Variants in MS4A13 observed in about 807,000 individuals in gnomAD.
MS4A13 encodes the protein membrane spanning 4-domains A13.
A neutral mutation model predicts 18.4 loss-of-function variants in MS4A13; 21 were observed. The observed-to-expected ratio is 1.14, with a 90% CI of 0.81 to 1.64. The LOEUF (loss-of-function observed/expected upper bound fraction) is 1.64. Ranked by LOEUF, MS4A13 falls within the 40% of genes most tolerant of loss-of-function variation. The pLI is 0.00. For synonymous variants in MS4A13, 62 were observed against 57.2 expected, an observed-to-expected ratio of 1.08 and a Z score of -0.38; for missense variants, 173 against 176.8, an observed-to-expected ratio of 0.98 and a Z score of 0.12.
chr11:60,529,292 G>C (rs1342792097), intron 5 of MS4A13, 73 bp from the exon 6 acceptor site: 14 of 308,714 alleles, frequency 4.5e-5, no homozygotes, highest in African/African-American at 1.1e-4. Flanking sequence ...CATACCAGTA[G>C]CTCCTTCCAT....
At chr11:60,538,287 G>C (rs867260191) in intron 6 of MS4A13, among the ~76,000 whole-genome samples, 1 of 151,812 alleles carries the variant, frequency 6.6e-6, no homozygotes, top group East Asian at 1.9e-4. Flanking sequence ...AGGCAAAAAG[G>C]TGTTGATCAA....
intron 6 of MS4A13, among the ~76,000 whole-genome samples, chr11:60,537,970 T>C (rs891843615): frequency 2.4e-5 from 3 of 122,960 alleles, no homozygotes; most frequent in African/African-American, 9.5e-5. Context: ...AGGTGGGAAT[T>C]GAACAATGAG....
chr11:60,529,100 T>C (rs2086741742), intron 5 of MS4A13, among the ~76,000 whole-genome samples: 1 of 152,030 alleles, frequency 6.6e-6, no homozygotes, highest in South Asian at 2.1e-4. Flanking sequence ...CTGTCAGAAG[T>C]GAGACAAGAA....
downstream of MS4A13, among the ~76,000 whole-genome samples, chr11:60,543,285 T>C (rs2086874919): frequency 6.6e-6 from 1 of 152,174 alleles, no homozygotes; most frequent in Admixed American, 6.5e-5. Context: ...CAGAAAGATG[T>C]TTCACTAATT....
chr11:60,542,450 A>T, intron 6 of MS4A13, 69 bp from the exon 7 acceptor site: 1 of 1,041,526 alleles, frequency 9.6e-7, no homozygotes, highest in Admixed American at 2.2e-5. Context: ...TTTAAGAAAA[A>T]GATCTATTTA....
chr11:60,521,292 A>G (rs1478019516), intron 3 of MS4A13, among the ~76,000 whole-genome samples: 1 of 152,162 alleles, frequency 6.6e-6, no homozygotes, highest in Non-Finnish European at 1.5e-5. Flanking sequence ...TCTTATGCAA[A>G]TTTCTGCAGC....
intron 6 of MS4A13, among the ~76,000 whole-genome samples, chr11:60,540,564 T>C (rs2086849046): frequency 6.6e-6 from 1 of 152,208 alleles, no homozygotes; most frequent in African/African-American, 2.4e-5. Context: ...AGGGTGCTTA[T>C]TTAGTGATTA....
rs1347399471 is a variant in MS4A13 at position 60,538,323 on chromosome 11, G to C, written c.403-4196G>C. On this transcript the variant is annotated intron_variant, in intron 6 of 6. Coordinates refer to ENST00000378186, the MANE Select transcript of MS4A13 (RefSeq NM_001012417.3). ...AGGCCATACAGTTTTCGTTAGACAG[G>C]AGGAGTAAGCTTTAGGGATCAATTA... Among the ~76,000 whole-genome samples, 7 of 151,902 alleles carry C rather than the reference G, an allele frequency of 4.6e-5. No homozygotes were observed. In the East Asian group the frequency reaches 1.4e-3, roughly 29 times the overall value.
intron 6 of MS4A13, among the ~76,000 whole-genome samples, chr11:60,531,361 G>C (rs896261700): frequency 2.0e-5 from 3 of 152,210 alleles, no homozygotes; most frequent in Non-Finnish European, 2.9e-5. Flanking sequence ...AGTGGACCTT[G>C]ATAACTTCCT....
chr11:60,527,721 A>T (rs2086729792), intron 5 of MS4A13, among the ~76,000 whole-genome samples: 1 of 152,034 alleles, frequency 6.6e-6, no homozygotes, highest in Non-Finnish European at 1.5e-5. Context: ...CTGTAATCCC[A>T]GCTACTCCGG....
chr11:60,539,486 C>G (rs1353945929), intron 6 of MS4A13, among the ~76,000 whole-genome samples: 2 of 151,910 alleles, frequency 1.3e-5, no homozygotes, highest in Non-Finnish European at 2.9e-5. Flanking sequence ...CCTCAAAATC[C>G]TTTGAGATAC....
chr11:60,523,032 C>CTA (rs1314941535), intron 3 of MS4A13, among the ~76,000 whole-genome samples: 1 of 152,202 alleles, frequency 6.6e-6, no homozygotes, highest in Non-Finnish European at 1.5e-5. Flanking sequence ...AGAGAGCACT[C>CTA]TAATTCAAAA....
intron 5 of MS4A13, among the ~76,000 whole-genome samples, chr11:60,528,279 A>G (rs2086735181): frequency 6.6e-6 from 1 of 152,238 alleles, no homozygotes; most frequent in African/African-American, 2.4e-5. Context: ...AAACAAGCAA[A>G]TAAAAATTTA....
intron 2 of MS4A13, 134 bp from the exon 3 acceptor site, chr11:60,517,938 A>T (rs1229049802): frequency 2.4e-5 from 15 of 625,360 alleles, no homozygotes; most frequent in Non-Finnish European, 3.5e-5. Flanking sequence ...CCAATCCAGG[A>T]AATACATCAT....
chr11:60,525,813 C>T (rs1258872092), intron 5 of MS4A13, among the ~76,000 whole-genome samples: 1 of 151,984 alleles, frequency 6.6e-6, no homozygotes, highest in African/African-American at 2.4e-5. Context: ...ATAAATAAAC[C>T]TAACTTGTTT....
At chr11:60,539,706 A>AAT (rs2135272706) in intron 6 of MS4A13, among the ~76,000 whole-genome samples, 1 of 152,178 alleles carries the variant, frequency 6.6e-6, no homozygotes, top group South Asian at 2.1e-4. Context: ...AGCAGCAAAA[A>AAT]AAAATAAAAA....
intron 5 of MS4A13, among the ~76,000 whole-genome samples, chr11:60,527,410 C>CTCTGTG (rs1555024373): frequency 1.7e-4 from 5 of 28,806 alleles, no homozygotes; most frequent in African/African-American, 8.1e-4. Context: ...CTCTCTCTCT[C>CTCTGTG]TGTGTGTGTG....
At chr11:60,532,411 G>C (rs534305483) in intron 6 of MS4A13, among the ~76,000 whole-genome samples, 1 of 152,160 alleles carries the variant, frequency 6.6e-6, no homozygotes, top group Admixed American at 6.5e-5. Flanking sequence ...AAGGGGTGAC[G>C]GACGCACCTG....
Position 60,542,522 on chromosome 11 carries a change from C to G in MS4A13, c.406C>G (p.Arg136Gly), listed in dbSNP as rs537359668. ...HSIYSCSNLF[R>G]RQNDLTSVTE... ...TAAGAGGTTACTTTTTTTCCAGTTT[C>G]GAAGACAAAATGATCTTACATCTGT... is the stretch of plus-strand genomic sequence containing the variant. Residue 136 changes from arginine to glycine, a missense_variant, in exon 7 of 7, where the codon CGA becomes GGA. Arg to Gly is a moderately radical substitution (Grantham distance 125). Transcript: ENST00000378186. 1.2e-6 allele frequency: 2 copies of G among 1,606,106 alleles called. No individual in the cohort carries two copies. The highest frequency in any genetic ancestry group is 1.1e-5 in the South Asian group (1 of 90,016).
Sources: gnomAD v4.1 joint callset for allele counts (sites outside exome capture counted in the v4.1 genomes callset) on GRCh38, gnomAD v4.1.1 for gene constraint, MANE v1.5 for transcripts, NCBI Gene and HGNC (gene_info 2026-07-23, HGNC 2026-07-21) for gene names.